Variants in ADAMTS18 observed in about 807,000 individuals in gnomAD.
The protein encoded by ADAMTS18 is A disintegrin and metalloproteinase with thrombospondin motifs 18.
A neutral mutation model predicts 165.9 loss-of-function variants in ADAMTS18; 157 were observed. That is an observed-to-expected ratio of 0.95 (90% CI 0.83 to 1.08). The LOEUF is 1.08. Ranked by LOEUF, ADAMTS18 falls within the 50% of genes least tolerant of loss-of-function variation. The pLI is 0.00. For missense variants in ADAMTS18, 2,040 were observed against 1,534.0 expected, an observed-to-expected ratio of 1.33 and a Z score of -5.51; for synonymous variants, 782 against 578.2, an observed-to-expected ratio of 1.35 and a Z score of -5.06.
At chr16:77,292,978 C>T (rs778951062) in intron 20 of ADAMTS18, 98 bp downstream of exon 20, 3 of 1,502,608 alleles carry the variant, frequency 2.0e-6, no homozygotes, top group Admixed American at 1.7e-5. Context: ...TGCCACCTTG[C>T]CTGGCTAATT....
chr16:77,283,231 A>G lies in ADAMTS18; in HGVS notation c.*725T>C, dbSNP rs1342724426. On this transcript the variant is annotated 3_prime_UTR_variant, in exon 23 of 23. Transcript: ENST00000282849. ...GGCATCCATATTTATCTTTTCTATG[A>G]GTTGTTTCCTTGCATGAATTTCAAT... 1 of 152,532 alleles carries G rather than the reference A, an allele frequency of 6.6e-6. No homozygotes were observed. Among genetic ancestry groups the G allele is most frequent in the Non-Finnish European group, 1.5e-5 (1 of 68,056 alleles). 9.4% of individuals were successfully genotyped at this position (152,532 alleles called of 1,614,324 possible).
At chr16:77,432,052 G>C (rs1055807832) in intron 2 of ADAMTS18, among the ~76,000 whole-genome samples, 5 of 152,158 alleles carry the variant, frequency 3.3e-5, no homozygotes, top group South Asian at 4.1e-4. Context: ...TAATTTCTCT[G>C]TGCTTAAACT....
chr16:77,356,492 G>T (rs1347261689), intron 8 of ADAMTS18, among the ~76,000 whole-genome samples: 1 of 152,184 alleles, frequency 6.6e-6, no homozygotes, highest in African/African-American at 2.4e-5. Flanking sequence ...TAAGTACAGA[G>T]AGATGATGAT....
chr16:77,328,058 GC>G (rs2056125580), intron 12 of ADAMTS18, among the ~76,000 whole-genome samples: 1 of 152,056 alleles, frequency 6.6e-6, no homozygotes, highest in Non-Finnish European at 1.5e-5. Flanking sequence ...CTCCTTTCCT[GC>G]CAAGCACAAT....
intron 3 of ADAMTS18, among the ~76,000 whole-genome samples, chr16:77,425,081 G>A (rs903150378): frequency 5.9e-5 from 9 of 152,144 alleles, no homozygotes; most frequent in East Asian, 1.9e-4. Flanking sequence ...AGATCAAAGC[G>A]TCCCTACCGC....
chr16:77,325,110 G>A (rs993078775), intron 13 of ADAMTS18, among the ~76,000 whole-genome samples: 1 of 152,154 alleles, frequency 6.6e-6, no homozygotes, highest in Non-Finnish European at 1.5e-5. Flanking sequence ...CCCATGGATT[G>A]TCATTAAACT....
intron 3 of ADAMTS18, among the ~76,000 whole-genome samples, chr16:77,375,890 C>CTTTTTTTTTTTTTTTTTTT (rs200629744): frequency 3.2e-5 from 3 of 93,904 alleles, no homozygotes; most frequent in Non-Finnish European, 4.1e-5. Context: ...TCTTTCTTTC[C>CTTTTTTTTTTTTTTTTTTT]TTTTTTTTTT....
chr16:77,310,152 T>C (rs76080780), intron 16 of ADAMTS18, among the ~76,000 whole-genome samples: 15,012 of 152,162 alleles, frequency 0.099, 1,000 homozygotes, highest in East Asian at 0.27. Context: ...AAAGAAGCTC[T>C]CCTTTTATGT....
chr16:77,401,682 G>A (rs1282177376), intron 3 of ADAMTS18, among the ~76,000 whole-genome samples: 2 of 152,186 alleles, frequency 1.3e-5, no homozygotes, highest in Non-Finnish European at 2.9e-5. Context: ...GGGCATTTAA[G>A]GAAGAGAAAG....
intron 3 of ADAMTS18, among the ~76,000 whole-genome samples, chr16:77,422,581 G>T (rs1265760171): frequency 1.3e-5 from 2 of 150,794 alleles, no homozygotes; most frequent in Non-Finnish European, 3.0e-5. Flanking sequence ...AGAAAGGAAG[G>T]AGGTAGGGAG....
At chr16:77,417,942 T>C (rs1360671486) in intron 3 of ADAMTS18, among the ~76,000 whole-genome samples, 1 of 152,218 alleles carries the variant, frequency 6.6e-6, no homozygotes, top group Non-Finnish European at 1.5e-5. Context: ...ACATTTAACT[T>C]TGGTCTTAGG....
chr16:77,375,208 G>A (rs2056931544), intron 3 of ADAMTS18, among the ~76,000 whole-genome samples: 1 of 152,076 alleles, frequency 6.6e-6, no homozygotes, highest in African/African-American at 2.4e-5. Flanking sequence ...TAAAGAAAAA[G>A]ACGGGGTTTC....
chr16:77,297,777 G>A (rs752900539), intron 17 of ADAMTS18, among the ~76,000 whole-genome samples: 7 of 152,052 alleles, frequency 4.6e-5, no homozygotes, highest in East Asian at 1.9e-4. Flanking sequence ...AAAACCATTC[G>A]TGAGTTATAT....
At chr16:77,418,717 C>G (rs1306214924) in intron 3 of ADAMTS18, among the ~76,000 whole-genome samples, 1 of 152,172 alleles carries the variant, frequency 6.6e-6, no homozygotes, top group Admixed American at 6.5e-5. Context: ...AAGTCATTGA[C>G]AGGATAATTT....
intron 16 of ADAMTS18, among the ~76,000 whole-genome samples, chr16:77,311,701 T>G (rs113546390): frequency 4.3e-3 from 100 of 23,240 alleles, no homozygotes; most frequent in East Asian, 0.019. Context: ...ATTACTGGAG[T>G]TTTCTTTTTT....
intron 11 of ADAMTS18, among the ~76,000 whole-genome samples, chr16:77,337,354 A>G (rs761010031): frequency 1.3e-5 from 2 of 152,222 alleles, no homozygotes; most frequent in Non-Finnish European, 2.9e-5. Flanking sequence ...CAGGTTATCA[A>G]GCTGCTTCTA....
intron 16 of ADAMTS18, among the ~76,000 whole-genome samples, chr16:77,311,700 G>GGTTTTTTT (rs141522765): frequency 9.5e-5 from 9 of 94,286 alleles, no homozygotes; most frequent in African/African-American, 1.1e-4. Context: ...GATTACTGGA[G>GGTTTTTTT]TTTTCTTTTT....
At position 77,367,538 on chromosome 16, in the gene ADAMTS18, GT is replaced by G; in HGVS notation, c.680del (p.Tyr227SerfsTer45). ...ATGCATGGGGAATGTGACTTGGGGA[GT>G]AACCAGGATAATTCCGGCCAGAGCC... is the stretch of plus-strand genomic sequence containing the variant. The part of the protein sequence containing the change: ...YPGSGRNYPG[Y>X]SPSHIPHASQ... On this transcript the variant is annotated frameshift_variant, in exon 4 of 23. Transcript: ENST00000282849. LOFTEE classifies it high-confidence loss of function. The G allele has an allele frequency of 6.2e-7, 1 of 1,614,246 alleles. No individual in the cohort carries two copies. Among genetic ancestry groups the G allele is most frequent in the Non-Finnish European group, 8.5e-7 (1 of 1,180,046 alleles).
At chr16:77,392,229 T>C (rs1047607433) in intron 3 of ADAMTS18, among the ~76,000 whole-genome samples, 2 of 152,164 alleles carry the variant, frequency 1.3e-5, no homozygotes, top group African/African-American at 4.8e-5. Context: ...GAAGCTCTCA[T>C]CATGGCCAAG....
Sources: allele counts gnomAD v4.1 joint callset (sites outside exome capture counted in the v4.1 genomes callset), GRCh38; gene constraint gnomAD v4.1.1; transcripts MANE v1.5; gene names NCBI Gene and HGNC (gene_info 2026-07-23, HGNC 2026-07-21).